FOCAD: variants seen among roughly 807,000 people sequenced by gnomAD.
FOCAD encodes KIAA1797.
A neutral mutation model predicts 225.6 loss-of-function variants in FOCAD; 198 were observed. That is an observed-to-expected ratio of 0.88 (90% CI 0.78 to 0.99). The LOEUF is 0.99. FOCAD is among the 50% of genes least tolerant of loss of function. The pLI is 0.00. For missense variants in FOCAD, 2,713 were observed against 2,123.6 expected (o/e 1.28, Z -5.46); for synonymous variants, 897 against 755.0 (o/e 1.19, Z -3.08).
At chr9:20,755,175 A>G (rs4978111) in intron 5 of FOCAD, among the ~76,000 whole-genome samples, 65,072 of 152,064 alleles carry the variant, frequency 0.43, 14,068 homozygotes, top group Admixed American at 0.5. Context: ...ATCACCTGCA[A>G]TATTGCCACT....
chr9:20,769,803 C>G (rs1818004677), intron 7 of FOCAD, among the ~76,000 whole-genome samples: 1 of 152,140 alleles, frequency 6.6e-6, no homozygotes, highest in African/African-American at 2.4e-5. Flanking sequence ...GAAATTTGTA[C>G]CAGCCAGCAG....
chr9:20,869,516 GAGTA>G (rs1382882564), intron 18 of FOCAD, among the ~76,000 whole-genome samples: 1 of 152,110 alleles, frequency 6.6e-6, no homozygotes, highest in Non-Finnish European at 1.5e-5. Flanking sequence ...AGAACAAAAA[GAGTA>G]AGAGGATTGG....
chr9:20,831,413 A>G lies in FOCAD; in HGVS notation c.1920+8298A>G, dbSNP rs1825481522. On this transcript the variant is annotated intron_variant, in intron 15 of 43. Transcript: ENST00000338382. The stretch of plus-strand genomic sequence containing the variant: ...CACAAAATGTGTTAACCTTAAAATA[A>G]AAATATTGAAAACTTGAGCCAGGCT... Among the ~76,000 whole-genome samples the G allele has an allele frequency of 2.0e-5, 3 of 152,098 alleles. No individual in the cohort carries two copies. In the South Asian group the frequency reaches 6.2e-4, roughly 31 times the overall value.
chr9:20,808,271 T>G (rs1480899100), intron 11 of FOCAD, among the ~76,000 whole-genome samples: 8 of 152,180 alleles, frequency 5.3e-5, no homozygotes, highest in African/African-American at 1.9e-4. Flanking sequence ...CTTTTCTTCC[T>G]TTTTCAGTTA....
At chr9:20,917,775 CTAAA>C (rs1280494115) in intron 24 of FOCAD, among the ~76,000 whole-genome samples, 1 of 152,242 alleles carries the variant, frequency 6.6e-6, no homozygotes, top group East Asian at 1.9e-4. Flanking sequence ...CCTTCTGTAG[CTAAA>C]TAGATTTTGC....
At chr9:20,827,194 C>A (rs1238862219) in intron 15 of FOCAD, among the ~76,000 whole-genome samples, 1 of 152,028 alleles carries the variant, frequency 6.6e-6, no homozygotes, top group East Asian at 1.9e-4. Context: ...ATGTCACCCC[C>A]TAATCTCCAT....
chr9:20,808,007 C>T (rs937132300), intron 11 of FOCAD, among the ~76,000 whole-genome samples: 3 of 151,176 alleles, frequency 2.0e-5, no homozygotes, highest in Admixed American at 6.6e-5. Flanking sequence ...ACTGAGATGG[C>T]GCCACTGTAT....
intron 15 of FOCAD, among the ~76,000 whole-genome samples, chr9:20,835,470 A>G (rs1478871815): frequency 6.6e-6 from 1 of 152,076 alleles, no homozygotes; most frequent in African/African-American, 2.4e-5. Flanking sequence ...TTTAAATTTT[A>G]CTATCAGCCA....
intron 2 of FOCAD, among the ~76,000 whole-genome samples, chr9:20,665,396 G>T (rs1231080260): frequency 6.6e-6 from 1 of 152,066 alleles, no homozygotes; most frequent in Non-Finnish European, 1.5e-5. Flanking sequence ...TTTATCTTTT[G>T]TAACTAATGA....
intron 39 of FOCAD, 73 bp from the exon 40 acceptor site, chr9:20,986,215 C>T (rs1841136847): frequency 1.5e-6 from 2 of 1,345,018 alleles, no homozygotes; most frequent in Non-Finnish European, 1.9e-6. Flanking sequence ...TTGTTTTGCC[C>T]TTGCCCTGAA....
Position 20,940,119 on chromosome 9 carries a change from C to G in FOCAD, c.3408-4508C>G, listed in dbSNP as rs1046883496. On this transcript the variant is annotated intron_variant, in intron 28 of 43. Coordinates refer to ENST00000338382, the MANE Select transcript of FOCAD (RefSeq NM_001375567.1). Reference sequence around the variant, plus strand: ...AGACGGGTAGGCCTGGACTTCCTGTCCAGTTAGTGGACACTTGCCTGTCTG... The same window carrying G: ...AGACGGGTAGGCCTGGACTTCCTGTGCAGTTAGTGGACACTTGCCTGTCTG... Among the ~76,000 whole-genome samples the G allele has an allele frequency of 1.2e-4, 19 of 152,144 alleles. 1 individual carries two copies. Among genetic ancestry groups the G allele is most frequent in the African/African-American group, 4.3e-4 (18 of 41,494 alleles).
chr9:20,656,774 T>C (rs573921995), upstream of FOCAD, among the ~76,000 whole-genome samples: 5 of 152,234 alleles, frequency 3.3e-5, no homozygotes, highest in African/African-American at 1.2e-4. Flanking sequence ...TTAGTCCATT[T>C]ACATTTAAAG....
chr9:20,801,896 A>C (rs1283907941), intron 11 of FOCAD, among the ~76,000 whole-genome samples: 1 of 152,132 alleles, frequency 6.6e-6, no homozygotes, highest in Admixed American at 6.5e-5. Flanking sequence ...CACCTGTGTT[A>C]ACTCCTTTAC....
chr9:20,731,479 A>G (rs1351339022), intron 4 of FOCAD, among the ~76,000 whole-genome samples: 3 of 152,302 alleles, frequency 2.0e-5, no homozygotes, highest in East Asian at 1.9e-4. Context: ...GATATTAGAG[A>G]TCAGATACAT....
intron 15 of FOCAD, among the ~76,000 whole-genome samples, chr9:20,824,164 A>G (rs1824633671): frequency 6.6e-6 from 1 of 152,128 alleles, no homozygotes; most frequent in South Asian, 2.1e-4. Flanking sequence ...ATAGCAGGAG[A>G]ATACCACACA....
intron 37 of FOCAD, among the ~76,000 whole-genome samples, chr9:20,980,058 C>T (rs1048709693): frequency 6.6e-6 from 1 of 152,082 alleles, no homozygotes; most frequent in Non-Finnish European, 1.5e-5. Flanking sequence ...CAGACCCAAG[C>T]CACCACCAAT....
chr9:20,742,135 G>T (rs970208441), intron 5 of FOCAD, among the ~76,000 whole-genome samples: 1 of 152,220 alleles, frequency 6.6e-6, no homozygotes, highest in South Asian at 2.1e-4. Context: ...CCCTCTCAGG[G>T]AAGTATTTTT....
At chr9:20,755,310 A>G (rs908642571) in intron 5 of FOCAD, among the ~76,000 whole-genome samples, 2 of 152,214 alleles carry the variant, frequency 1.3e-5, no homozygotes, top group Non-Finnish European at 2.9e-5. Flanking sequence ...TAGGTCTGAG[A>G]TACTAAATAA....
At chr9:20,790,265 T>C (rs1393549733) in intron 11 of FOCAD, among the ~76,000 whole-genome samples, 1 of 152,164 alleles carries the variant, frequency 6.6e-6, no homozygotes, top group Non-Finnish European at 1.5e-5. Flanking sequence ...TTTTTTTTTC[T>C]CCAATTGATA....
Sources: gnomAD v4.1 joint callset for allele counts (sites outside exome capture counted in the v4.1 genomes callset) on GRCh38, gnomAD v4.1.1 for gene constraint, MANE v1.5 for transcripts, NCBI Gene and HGNC (gene_info 2026-07-23, HGNC 2026-07-21) for gene names.